The following SYTL5 variants were observed in gnomAD, a reference collection of about 807,000 sequenced individuals.
The protein encoded by SYTL5 is synaptotagmin like 5.
Under a neutral mutation model 55.9 loss-of-function variants are expected in SYTL5, and 34 were observed. The observed-to-expected ratio is 0.61, with a 90% CI of 0.46 to 0.81. The LOEUF (loss-of-function observed/expected upper bound fraction) is 0.81, where lower values mean the gene tolerates loss of function less well. Ranked by LOEUF, SYTL5 falls within the 30% of genes least tolerant of loss-of-function variation. The pLI is 0.00. For synonymous variants in SYTL5, 221 were observed against 188.7 expected, an observed-to-expected ratio of 1.17 and a Z score of -1.40; for missense variants, 637 against 546.7, an observed-to-expected ratio of 1.17 and a Z score of -1.65.
chrX:38,125,463 C>T lies in SYTL5; in HGVS notation c.2007C>T (p.Ser669=). The change falls in exon 16 of 17, where the codon TCC becomes TCT. Residue 669 remains serine (S), a synonymous_variant. Transcript: ENST00000297875. ...ELTIWDKEAF[S]SNIFLGGVRL... ...CTATCTGGGACAAGGAGGCCTTTTC[C>T]AGCAACATCTTTCTGGGAGGAGTTC... The T allele has an allele frequency of 8.3e-7, 1 of 1,211,562 alleles. No homozygotes were observed. The highest frequency in any genetic ancestry group is 1.8e-5 in the South Asian group (1 of 56,992).
chrX:38,112,963 A>G (rs982019834), intron 13 of SYTL5, among the ~76,000 whole-genome samples: 4 of 112,223 alleles, frequency 3.6e-5, no homozygotes, highest in Non-Finnish European at 7.5e-5. Flanking sequence ...AATCCTTAAT[A>G]ATTTAGAAAT....
the SYTL5 span, among the ~76,000 whole-genome samples, chrX:37,986,701 T>C: frequency 9.0e-6 from 1 of 111,704 alleles, no homozygotes; most frequent in African/African-American, 3.3e-5. Context: ...ACTACCCATG[T>C]CTTCTTGCAA....
chrX:37,889,609 G>A, the SYTL5 span, among the ~76,000 whole-genome samples: 1 of 111,328 alleles, frequency 9.0e-6, no homozygotes, highest in African/African-American at 3.3e-5. Flanking sequence ...CATACAAAGA[G>A]TTTTTATTAG....
At chrX:37,948,024 T>C in the SYTL5 span, among the ~76,000 whole-genome samples, 5 of 111,932 alleles carry the variant, frequency 4.5e-5, no homozygotes, top group Admixed American at 4.8e-4. Context: ...ATACACAGAG[T>C]TCCAAATCTT....
chrX:38,053,825 A>C (rs963862041), intron 2 of SYTL5, among the ~76,000 whole-genome samples: 2 of 112,304 alleles, frequency 1.8e-5, no homozygotes, highest in African/African-American at 6.5e-5. Context: ...AATGAGAATA[A>C]ATACTAATAG....
chrX:37,931,346 A>G, the SYTL5 span, among the ~76,000 whole-genome samples: 1 of 111,788 alleles, frequency 8.9e-6, no homozygotes, highest in Non-Finnish European at 1.9e-5. Context: ...GTTAGCAAAC[A>G]GTACTGAAGG....
At chrX:37,937,256 C>G in the SYTL5 span, among the ~76,000 whole-genome samples, 1 of 109,972 alleles carries the variant, frequency 9.1e-6, no homozygotes, top group African/African-American at 3.3e-5. Context: ...TATCGAGTAG[C>G]CTAATCTAAA....
intron 3 of SYTL5, among the ~76,000 whole-genome samples, chrX:38,064,952 A>C (rs1602359830): frequency 9.0e-6 from 1 of 111,100 alleles, no homozygotes; most frequent in Non-Finnish European, 1.9e-5. Flanking sequence ...TTCTATTATC[A>C]TTGTGATTCC....
intron 3 of SYTL5, among the ~76,000 whole-genome samples, chrX:38,058,434 C>T (rs1447462492): frequency 9.0e-6 from 1 of 111,050 alleles, no homozygotes; most frequent in Non-Finnish European, 1.9e-5. Flanking sequence ...TATCTCTATG[C>T]TTCCATCAGA....
At chrX:38,124,079 C>T (rs1436585911) in intron 15 of SYTL5, among the ~76,000 whole-genome samples, 1 of 111,367 alleles carries the variant, frequency 9.0e-6, no homozygotes, top group African/African-American at 3.3e-5. Flanking sequence ...TTTTCCATCT[C>T]GTTATGGTAT....
At chrX:37,928,348 A>G in the SYTL5 span, among the ~76,000 whole-genome samples, 2 of 111,380 alleles carry the variant, frequency 1.8e-5, no homozygotes, top group Middle Eastern at 4.2e-3. Flanking sequence ...CCTAATACAT[A>G]CCCTCACACC....
intron 6 of SYTL5, among the ~76,000 whole-genome samples, chrX:38,080,697 A>C (rs1243640660): frequency 8.9e-6 from 1 of 112,247 alleles, no homozygotes; most frequent in Non-Finnish European, 1.9e-5. Context: ...TCCATTCCTC[A>C]TATCTATTAT....
At chrX:38,007,235 T>A (rs1270759971) in intron 1 of SYTL5, among the ~76,000 whole-genome samples, 2 of 111,854 alleles carry the variant, frequency 1.8e-5, no homozygotes, top group African/African-American at 3.2e-5. Context: ...GAAGGATTAA[T>A]AAAGTCTGAA....
chrX:38,004,343 A>G (rs1219160851), upstream of SYTL5, among the ~76,000 whole-genome samples: 1 of 111,649 alleles, frequency 9.0e-6, no homozygotes, highest in Non-Finnish European at 1.9e-5. Flanking sequence ...TAAATAGTAC[A>G]ATCGCATGGA....
the SYTL5 span, among the ~76,000 whole-genome samples, chrX:37,982,075 G>T: frequency 3.6e-5 from 4 of 112,227 alleles, no homozygotes; most frequent in African/African-American, 1.3e-4. Flanking sequence ...AACAGAAGCT[G>T]CCCATGAGAG....
chrX:37,991,004 C>G, the SYTL5 span: 1 of 1,210,312 alleles, frequency 8.3e-7, no homozygotes, highest in African/African-American at 1.7e-5. Context: ...CCCTCCTTAC[C>G]TTGCTCGATT....
intron 2 of SYTL5, among the ~76,000 whole-genome samples, chrX:38,038,846 A>T (rs1189024185): frequency 1.8e-5 from 2 of 112,059 alleles, no homozygotes; most frequent in African/African-American, 6.5e-5. Context: ...GAGGCAGTGG[A>T]TTTATTGTTC....
At chrX:38,113,835 C>T (rs1336238398) in intron 13 of SYTL5, among the ~76,000 whole-genome samples, 1 of 111,468 alleles carries the variant, frequency 9.0e-6, no homozygotes, top group Non-Finnish European at 1.9e-5. Context: ...CCAACATAGC[C>T]TGGGTATTTA....
chrX:38,117,325 G>T (rs189025044), intron 13 of SYTL5, among the ~76,000 whole-genome samples: 1,649 of 111,401 alleles, frequency 0.015, 33 homozygotes, highest in African/African-American at 0.051. Flanking sequence ...TATTTATACG[G>T]GGTCTACAGT....
Sources: gnomAD v4.1 joint callset for allele counts (sites outside exome capture counted in the v4.1 genomes callset) on GRCh38, gnomAD v4.1.1 for gene constraint, MANE v1.5 for transcripts, NCBI Gene and HGNC (gene_info 2026-07-23, HGNC 2026-07-21) for gene names.